PEBP4: variants seen among roughly 807,000 people sequenced by gnomAD.
PEBP4 encodes the protein phosphatidylethanolamine binding protein 4.
A neutral mutation model predicts 23.9 loss-of-function variants in PEBP4; 22 were observed. That is an observed-to-expected ratio of 0.92 (90% CI 0.66 to 1.31). The LOEUF (loss-of-function observed/expected upper bound fraction) is 1.31. PEBP4 is among the 40% of genes most tolerant of loss of function. PEBP4 has a pLI of 0.00. For synonymous variants in PEBP4, 112 were observed against 99.3 expected (o/e 1.13, Z -0.76); for missense variants, 324 against 281.7 (o/e 1.15, Z -1.07).
intron 4 of PEBP4, among the ~76,000 whole-genome samples, chr8:22,790,627 C>A (rs1221781451): frequency 5.3e-5 from 8 of 152,130 alleles, no homozygotes; most frequent in Non-Finnish European, 8.8e-5. Flanking sequence ...GGGCTGGGGC[C>A]TGACCTTGAA....
intron 4 of PEBP4, among the ~76,000 whole-genome samples, chr8:22,767,421 A>G (rs912271823): frequency 2.0e-5 from 3 of 152,208 alleles, no homozygotes; most frequent in African/African-American, 7.2e-5. Context: ...TTATCCCTAT[A>G]ATGTTGTCAC....
intron 3 of PEBP4, among the ~76,000 whole-genome samples, chr8:22,868,880 G>A (rs1359975738): frequency 2.0e-5 from 3 of 152,164 alleles, no homozygotes; most frequent in African/African-American, 7.2e-5. Flanking sequence ...ATGGTGGCCA[G>A]AGAAGTCGTG....
At chr8:22,750,435 T>A (rs961337387) in intron 4 of PEBP4, among the ~76,000 whole-genome samples, 1 of 152,206 alleles carries the variant, frequency 6.6e-6, no homozygotes, top group African/African-American at 2.4e-5. Context: ...AATGCTTTCA[T>A]TTTCCTAGGG....
chr8:22,905,510 C>A (rs977192557), intron 3 of PEBP4, among the ~76,000 whole-genome samples: 1 of 152,156 alleles, frequency 6.6e-6, no homozygotes, highest in Non-Finnish European at 1.5e-5. Context: ...CTAGGCAGAC[C>A]TTTTCTCTCC....
chr8:22,777,015 G>C (rs1805827979), intron 4 of PEBP4, among the ~76,000 whole-genome samples: 1 of 151,874 alleles, frequency 6.6e-6, no homozygotes, highest in South Asian at 2.1e-4. Flanking sequence ...TGGTGGGTTG[G>C]GGCAGAGAAA....
intron 2 of PEBP4, chr8:22,925,371 A>G: frequency 2.1e-6 from 2 of 969,722 alleles, no homozygotes; most frequent in South Asian, 4.8e-5. Flanking sequence ...ATAGGGAAAG[A>G]GCGTGAGTGT....
At chr8:22,727,280 G>C (rs1804638239) in intron 4 of PEBP4, 60 bp from the exon 5 acceptor site, 1 of 1,541,632 alleles carries the variant, frequency 6.5e-7, no homozygotes, top group African/African-American at 1.4e-5. Flanking sequence ...AGGCCACGTG[G>C]GCTCTGCGGG....
chr8:22,855,718 C>A (rs946294383), intron 3 of PEBP4, among the ~76,000 whole-genome samples: 7 of 152,048 alleles, frequency 4.6e-5, no homozygotes, highest in African/African-American at 1.7e-4. Context: ...CAAAAAGGTA[C>A]AATTTCTCTA....
chr8:22,884,897 A>G (rs1808342904), intron 3 of PEBP4: 1 of 152,218 alleles, frequency 6.6e-6, no homozygotes, highest in Non-Finnish European at 1.5e-5. Context: ...AGTCCTGCCC[A>G]TCCTTCAAAG....
chr8:22,795,786 C>T (rs567234900), intron 4 of PEBP4, among the ~76,000 whole-genome samples: 2 of 152,226 alleles, frequency 1.3e-5, no homozygotes, highest in African/African-American at 2.4e-5. Flanking sequence ...AAATGCTTCA[C>T]ATTTATTGGG....
At chr8:22,729,411 C>A (rs56310146) in intron 4 of PEBP4, among the ~76,000 whole-genome samples, 21,277 of 152,298 alleles carry the variant, frequency 0.14, 1,917 homozygotes, top group Middle Eastern at 0.21. Flanking sequence ...CAATTCCCCC[C>A]AGGCTTGGGT....
intron 1 of PEBP4, among the ~76,000 whole-genome samples, chr8:22,934,122 C>A (rs1338740263): frequency 2.0e-5 from 3 of 152,162 alleles, no homozygotes; most frequent in Admixed American, 1.3e-4. Flanking sequence ...GAAAGGTCTG[C>A]CCCCAAGATG....
chr8:22,824,942 C>T (rs746777098), intron 3 of PEBP4, among the ~76,000 whole-genome samples: 1 of 152,208 alleles, frequency 6.6e-6, no homozygotes, highest in African/African-American at 2.4e-5. Context: ...GGGTTGGGGA[C>T]TCCTGCTGTA....
chr8:22,841,640 G>C (rs902979353), intron 3 of PEBP4, among the ~76,000 whole-genome samples: 2 of 152,250 alleles, frequency 1.3e-5, no homozygotes, highest in African/African-American at 2.4e-5. Flanking sequence ...ACCTGGTGCA[G>C]ATAAATCCAG....
intron 3 of PEBP4, among the ~76,000 whole-genome samples, chr8:22,875,479 C>A (rs1217053598): frequency 6.6e-6 from 1 of 152,148 alleles, no homozygotes; most frequent in Non-Finnish European, 1.5e-5. Context: ...CTCCTCCCAC[C>A]TTCCCCCTCA....
intron 4 of PEBP4, chr8:22,798,667 C>G (rs1433264917): frequency 6.7e-6 from 1 of 150,362 alleles, no homozygotes; most frequent in East Asian, 1.9e-4. Context: ...TCTTCAATGG[C>G]ATTGATCTCC....
chr8:22,904,063 G>T (rs1235695022), intron 3 of PEBP4, among the ~76,000 whole-genome samples: 1 of 152,212 alleles, frequency 6.6e-6, no homozygotes, highest in Non-Finnish European at 1.5e-5. Context: ...CTGTGACTGA[G>T]ACCCTATTTT....
chr8:22,744,622 CGAT>C (rs1563201897), intron 4 of PEBP4: 1 of 152,244 alleles, frequency 6.6e-6, no homozygotes, highest in East Asian at 1.9e-4. Context: ...GCAGAACAGA[CGAT>C]GCACTGTCTC....
intron 3 of PEBP4, among the ~76,000 whole-genome samples, chr8:22,911,525 CAT>C (rs1220658926): frequency 2.0e-5 from 3 of 152,206 alleles, no homozygotes; most frequent in East Asian, 1.9e-4. Flanking sequence ...ACAAATAACA[CAT>C]GATACTGCTC....
Sources: gnomAD v4.1 joint callset for allele counts (sites outside exome capture counted in the v4.1 genomes callset) on GRCh38, gnomAD v4.1.1 for gene constraint, MANE v1.5 for transcripts, NCBI Gene and HGNC (gene_info 2026-07-23, HGNC 2026-07-21) for gene names.